CDK19: variants seen among roughly 807,000 people sequenced by gnomAD.
The protein encoded by CDK19 is cyclin-dependent kinase 19.
Under a neutral mutation model 68.3 loss-of-function variants are expected in CDK19, and 20 were observed. The ratio of observed to expected loss-of-function variants is 0.29; its 90% CI spans 0.21 to 0.43. The LOEUF (loss-of-function observed/expected upper bound fraction) is 0.43, where lower values mean the gene tolerates loss of function less well. Ranked by LOEUF, CDK19 falls within the 20% of genes least tolerant of loss-of-function variation. CDK19 has a pLI of 1.00. For missense variants in CDK19, 339 were observed against 623.5 expected, an observed-to-expected ratio of 0.54 and a Z score of 4.86; for synonymous variants, 221 against 222.8, an observed-to-expected ratio of 0.99 and a Z score of 0.07.
chr6:110,675,973 T>G (rs1234148349), intron 2 of CDK19, among the ~76,000 whole-genome samples: 1 of 152,194 alleles, frequency 6.6e-6, no homozygotes, highest in Non-Finnish European at 1.5e-5. Context: ...AAGCTATAGC[T>G]GCCATAGATT....
chr6:110,708,014 GTA>G (rs1198691345), intron 2 of CDK19, among the ~76,000 whole-genome samples: 1 of 152,056 alleles, frequency 6.6e-6, no homozygotes, highest in Non-Finnish European at 1.5e-5. Flanking sequence ...TAATATTATA[GTA>G]TGTTTTTTAA....
chr6:110,650,112 G>A (rs1198561971), intron 4 of CDK19, among the ~76,000 whole-genome samples: 1 of 152,122 alleles, frequency 6.6e-6, no homozygotes, highest in Non-Finnish European at 1.5e-5. Flanking sequence ...GCATTATGTT[G>A]GGTGAAAAGA....
chr6:110,810,966 CTTTT>C (rs1307977147), intron 1 of CDK19, among the ~76,000 whole-genome samples: 3 of 151,892 alleles, frequency 2.0e-5, no homozygotes, highest in African/African-American at 7.3e-5. Context: ...GTAAGATGGC[CTTTT>C]TTTGTTTTTC....
Position 110,614,547 on chromosome 6 carries a change from G to A in CDK19, c.1497C>T (p.Ala499=), listed in dbSNP as rs764880694. ...CAACGGGAGCTGGTCAGTACCGGTG[G>A]GCCTGGTGAGATGGGTGGTACTGTG... The part of the protein sequence containing the change: ...QSSQYHPSHQ[A]HRY The change falls in exon 13 of 13, where the codon GCC becomes GCT. Residue 499 remains alanine, a synonymous_variant. Transcript: ENST00000368911. 3 of 1,614,098 alleles carry A rather than the reference G, an allele frequency of 1.9e-6. No individual in the cohort carries two copies. The Admixed American group carries it at 5.0e-5, about 27-fold the overall frequency.
At chr6:110,744,876 C>T (rs764184810) in intron 2 of CDK19, among the ~76,000 whole-genome samples, 6 of 152,190 alleles carry the variant, frequency 3.9e-5, no homozygotes, top group Non-Finnish European at 7.3e-5. Context: ...CTTTGCACCA[C>T]ACTTCTTATG....
intron 1 of CDK19, among the ~76,000 whole-genome samples, chr6:110,790,143 T>C (rs1781490420): frequency 6.6e-6 from 1 of 152,232 alleles, no homozygotes; most frequent in Non-Finnish European, 1.5e-5. Context: ...GGCAAGCAAT[T>C]TGAACCAGAT....
At chr6:110,711,871 G>C (rs997037116) in intron 2 of CDK19, among the ~76,000 whole-genome samples, 3 of 152,222 alleles carry the variant, frequency 2.0e-5, no homozygotes, top group Non-Finnish European at 2.9e-5. Context: ...GGGAGGCTGA[G>C]GCAGGAGAAT....
At chr6:110,640,265 G>C (rs1384563089) in intron 4 of CDK19, among the ~76,000 whole-genome samples, 1 of 150,496 alleles carries the variant, frequency 6.6e-6, no homozygotes, top group Non-Finnish European at 1.5e-5. Flanking sequence ...AATCTGAAAA[G>C]GGCTCATGTT....
intron 1 of CDK19, among the ~76,000 whole-genome samples, chr6:110,768,589 A>G (rs1477789561): frequency 6.6e-6 from 1 of 152,242 alleles, no homozygotes; most frequent in Non-Finnish European, 1.5e-5. Flanking sequence ...CAAGACATAG[A>G]GGATTCTCAA....
chr6:110,760,632 G>A (rs942839547), intron 1 of CDK19, among the ~76,000 whole-genome samples: 2 of 152,150 alleles, frequency 1.3e-5, no homozygotes, highest in Admixed American at 1.3e-4. Flanking sequence ...AGGAGGCTGA[G>A]GTGGGAGAAC....
intron 1 of CDK19, among the ~76,000 whole-genome samples, chr6:110,772,104 C>T (rs959620020): frequency 2.6e-5 from 4 of 152,138 alleles, no homozygotes; most frequent in Non-Finnish European, 4.4e-5. Context: ...TTTTCAGCAG[C>T]GCCCCACTCT....
At chr6:110,659,301 A>C (rs1177768282) in intron 4 of CDK19, among the ~76,000 whole-genome samples, 3 of 152,262 alleles carry the variant, frequency 2.0e-5, no homozygotes, top group African/African-American at 7.2e-5. Context: ...AAAGATGAAC[A>C]GTACAGCATT....
At chr6:110,757,797 T>C (rs1778935462) in intron 1 of CDK19, among the ~76,000 whole-genome samples, 1 of 152,206 alleles carries the variant, frequency 6.6e-6, no homozygotes, top group Non-Finnish European at 1.5e-5. Flanking sequence ...GGCAGCTGAA[T>C]GTAGGTGTTC....
chr6:110,739,054 A>T (rs1465729579), intron 2 of CDK19, among the ~76,000 whole-genome samples: 2 of 152,166 alleles, frequency 1.3e-5, no homozygotes, highest in Non-Finnish European at 2.9e-5. Context: ...TTAATCAGCA[A>T]CCCAAGCCAG....
chr6:110,692,109 T>C (rs1348000469), intron 2 of CDK19, among the ~76,000 whole-genome samples: 1 of 150,662 alleles, frequency 6.6e-6, no homozygotes, highest in Non-Finnish European at 1.5e-5. Context: ...TCCTGGCCAA[T>C]ATGATGAAAC....
chr6:110,787,993 C>T (rs775218558), intron 1 of CDK19, among the ~76,000 whole-genome samples: 2 of 152,058 alleles, frequency 1.3e-5, no homozygotes, highest in African/African-American at 2.4e-5. Flanking sequence ...TCGTGCGCCA[C>T]CATACCTGGC....
At chr6:110,658,210 G>A (rs1781420229) in intron 4 of CDK19, among the ~76,000 whole-genome samples, 1 of 152,168 alleles carries the variant, frequency 6.6e-6, no homozygotes, top group Non-Finnish European at 1.5e-5. Context: ...GAATGGCTAA[G>A]CCCTAGACTA....
At chr6:110,687,923 G>A (rs1772624164) in intron 2 of CDK19, among the ~76,000 whole-genome samples, 1 of 152,184 alleles carries the variant, frequency 6.6e-6, no homozygotes, top group Non-Finnish European at 1.5e-5. Context: ...GATATTTACT[G>A]TCTATTCAAA....
chr6:110,641,098 T>C (rs1780126849), intron 4 of CDK19, among the ~76,000 whole-genome samples: 1 of 152,038 alleles, frequency 6.6e-6, no homozygotes, highest in South Asian at 2.1e-4. Flanking sequence ...TGGTTCACCA[T>C]ACTAGAAAGA....
Sources: gnomAD v4.1 joint callset for allele counts (sites outside exome capture counted in the v4.1 genomes callset) on GRCh38, gnomAD v4.1.1 for gene constraint, MANE v1.5 for transcripts, NCBI Gene and HGNC (gene_info 2026-07-23, HGNC 2026-07-21) for gene names.